Variants in CLSTN2 observed in about 807,000 individuals in gnomAD.
The protein encoded by CLSTN2 is calsyntenin-2.
A neutral mutation model predicts 101.2 loss-of-function variants in CLSTN2; 48 were observed. That is an observed-to-expected ratio of 0.47 (90% CI 0.38 to 0.60). CLSTN2 has a LOEUF of 0.60. Ranked by LOEUF, CLSTN2 falls within the 20% of genes least tolerant of loss-of-function variation. The probability of loss-of-function intolerance (pLI) is 0.00; values close to 1 mark genes in which losing one functional copy is unlikely to be tolerated. For synonymous variants in CLSTN2, 481 were observed against 463.6 expected (o/e 1.04, Z -0.48); for missense variants, 1,160 against 1,238.2 (o/e 0.94, Z 0.95).
intron 1 of CLSTN2, among the ~76,000 whole-genome samples, chr3:140,112,350 A>AGTGT (rs200761645): frequency 9.9e-5 from 13 of 131,530 alleles, no homozygotes; most frequent in Admixed American, 1.6e-4. Context: ...AAATATTAAA[A>AGTGT]GTGTGTGTGT....
At chr3:140,514,707 T>C (rs1422847618) in intron 8 of CLSTN2, among the ~76,000 whole-genome samples, 1 of 152,184 alleles carries the variant, frequency 6.6e-6, no homozygotes, top group Non-Finnish European at 1.5e-5. Context: ...ATCTCTACAC[T>C]GTTTTCCATA....
At chr3:140,122,366 TGAG>T (rs2009356933) in intron 1 of CLSTN2, among the ~76,000 whole-genome samples, 1 of 152,126 alleles carries the variant, frequency 6.6e-6, no homozygotes, top group African/African-American at 2.4e-5. Context: ...TGGATAGATG[TGAG>T]GAGAAGAACA....
intron 2 of CLSTN2, among the ~76,000 whole-genome samples, chr3:140,236,847 GTGTGTGTGTGTGTGTGTA>G (rs1240064225): frequency 3.7e-5 from 4 of 107,778 alleles, no homozygotes; most frequent in Admixed American, 8.8e-5. Flanking sequence ...GTGTGTGTGT[GTGTGTGTGTGTGTGTGTA>G]TATAAATTTC....
chr3:140,136,277 G>C (rs73868743), intron 1 of CLSTN2, among the ~76,000 whole-genome samples: 5,731 of 152,222 alleles, frequency 0.038, 233 homozygotes, highest in African/African-American at 0.1. Flanking sequence ...TGTAGTTAGA[G>C]GATAGGCTGT....
intron 8 of CLSTN2, among the ~76,000 whole-genome samples, chr3:140,515,343 T>A (rs1290399135): frequency 1.3e-5 from 2 of 152,134 alleles, no homozygotes; most frequent in African/African-American, 4.8e-5. Flanking sequence ...TTATTGTTTT[T>A]CTGCTTTGTT....
chr3:140,108,218 C>T (rs1367582342), intron 1 of CLSTN2, among the ~76,000 whole-genome samples: 2 of 152,188 alleles, frequency 1.3e-5, no homozygotes, highest in Non-Finnish European at 2.9e-5. Flanking sequence ...TGACCATTTC[C>T]AACCTTCAGT....
chr3:140,541,354 T>C (rs1935473775), intron 9 of CLSTN2, among the ~76,000 whole-genome samples: 1 of 152,254 alleles, frequency 6.6e-6, no homozygotes, highest in Non-Finnish European at 1.5e-5. Flanking sequence ...CCAGTCAACC[T>C]GAGTGGGGGA....
At chr3:140,373,023 T>C (rs893270568) in intron 2 of CLSTN2, among the ~76,000 whole-genome samples, 6 of 152,140 alleles carry the variant, frequency 3.9e-5, no homozygotes, top group Non-Finnish European at 8.8e-5. Context: ...TGAGCTGTGA[T>C]TGAGCCATTG....
intron 8 of CLSTN2, chr3:140,506,653 T>C (rs576714668): frequency 6.7e-6 from 1 of 150,276 alleles, no homozygotes; most frequent in East Asian, 1.9e-4. Context: ...TGCACCTACC[T>C]CATACCTGGA....
intron 1 of CLSTN2, among the ~76,000 whole-genome samples, chr3:140,138,824 C>G (rs1224372071): frequency 6.6e-6 from 1 of 152,098 alleles, no homozygotes; most frequent in East Asian, 1.9e-4. Flanking sequence ...TAGTGTTGAG[C>G]TATTTTGTTG....
chr3:139,975,918 A>T (rs1935808337), intron 1 of CLSTN2, among the ~76,000 whole-genome samples: 1 of 152,204 alleles, frequency 6.6e-6, no homozygotes, highest in Admixed American at 6.5e-5. Context: ...ACACCGTACT[A>T]CATGTAATTC....
At chr3:140,517,792 T>C (rs1019040213) in intron 8 of CLSTN2, among the ~76,000 whole-genome samples, 3 of 152,202 alleles carry the variant, frequency 2.0e-5, no homozygotes, top group Non-Finnish European at 4.4e-5. Context: ...TTTGTGTTGG[T>C]TGACTTCTAG....
At chr3:140,032,952 A>C (rs2007585926) in intron 1 of CLSTN2, among the ~76,000 whole-genome samples, 1 of 152,242 alleles carries the variant, frequency 6.6e-6, no homozygotes, top group African/African-American at 2.4e-5. Flanking sequence ...ACAGTAGAGC[A>C]AGGACATTAA....
At chr3:140,297,211 C>T (rs944054814) in intron 2 of CLSTN2, among the ~76,000 whole-genome samples, 3 of 152,200 alleles carry the variant, frequency 2.0e-5, no homozygotes, top group Admixed American at 6.5e-5. Flanking sequence ...AGTCAGCCTC[C>T]GTCCTTGAAC....
chr3:140,425,931 G>C (rs2088561405), intron 5 of CLSTN2, among the ~76,000 whole-genome samples: 1 of 152,160 alleles, frequency 6.6e-6, no homozygotes, highest in Admixed American at 6.5e-5. Context: ...GTGGAAGGGA[G>C]AACTACTTCT....
chr3:140,290,977 G>C (rs1173727562), intron 2 of CLSTN2, among the ~76,000 whole-genome samples: 2 of 152,042 alleles, frequency 1.3e-5, no homozygotes, highest in African/African-American at 4.8e-5. Flanking sequence ...CCAACTACCT[G>C]ATATTAAAAA....
At chr3:140,498,246 C>G (rs1934507886) in intron 8 of CLSTN2, among the ~76,000 whole-genome samples, 1 of 152,196 alleles carries the variant, frequency 6.6e-6, no homozygotes, top group East Asian at 1.9e-4. Context: ...GCGCCGGTCT[C>G]CAATCAGCCC....
intron 2 of CLSTN2, among the ~76,000 whole-genome samples, chr3:140,180,533 G>T (rs1445688260): frequency 6.6e-6 from 1 of 152,184 alleles, no homozygotes; most frequent in African/African-American, 2.4e-5. Context: ...GGCAAAAAAT[G>T]ATAATGAAAG....
chr3:140,229,928 T>C (rs2086356018), intron 2 of CLSTN2, among the ~76,000 whole-genome samples: 3 of 152,148 alleles, frequency 2.0e-5, no homozygotes, highest in Admixed American at 2.0e-4. Flanking sequence ...GAGCAGGCTG[T>C]GATGTGGTAG....
Sources: allele counts gnomAD v4.1 joint callset (sites outside exome capture counted in the v4.1 genomes callset), GRCh38; gene constraint gnomAD v4.1.1; transcripts MANE v1.5; gene names NCBI Gene and HGNC (gene_info 2026-07-23, HGNC 2026-07-21).